Variants in TIGD1 observed in about 807,000 individuals in gnomAD.
TIGD1 encodes tigger transposable element-derived protein 1.
TIGD1 carries 20 observed loss-of-function variants against 21.3 expected under a neutral mutation model. That is an observed-to-expected ratio of 0.94 (90% CI 0.66 to 1.36). The LOEUF is 1.36. Ranked by LOEUF, TIGD1 falls within the 40% of genes most tolerant of loss-of-function variation. The probability of loss-of-function intolerance (pLI) is 0.00; values close to 1 mark genes in which losing one functional copy is unlikely to be tolerated. For synonymous variants in TIGD1, 177 were observed against 123.2 expected (o/e 1.44, Z -2.89); for missense variants, 556 against 350.5 (o/e 1.59, Z -4.68).
At position 232,547,923 on chromosome 2, in the gene TIGD1, A is replaced by C; in HGVS notation, c.*184T>G. 2.3e-6 allele frequency: 1 copy of C among 441,716 alleles called. No individual in the cohort carries two copies. Among genetic ancestry groups the C allele is most frequent in the Middle Eastern group, 5.7e-4 (1 of 1,750 alleles). The allele number at this position is 441,716 out of a possible 1,614,324, so 27.4% of individuals were successfully genotyped here. A position where few individuals can be genotyped will look rare whatever the true frequency, so the allele number is the denominator to read the frequency against. On this transcript the variant is annotated 3_prime_UTR_variant, in exon 1 of 1. Transcript: ENST00000408957. ...GTAGGTCGAGGCATACCTCAAAGAC[A>C]TTGCAGGTTCAGTTCCAGACCAACA... is the stretch of plus-strand genomic sequence containing the variant.
chr2:232,549,900 G>T lies in TIGD1; in HGVS notation c.-18C>A, dbSNP rs1163812103. Reference sequence around the variant, plus strand: ...GAGGCCATTGCAGAGTCATTAATTCGCCTAATCTCAATATTGTTGTGTCTC... The same window carrying T: ...GAGGCCATTGCAGAGTCATTAATTCTCCTAATCTCAATATTGTTGTGTCTC... On this transcript the variant is annotated 5_prime_UTR_variant, in exon 1 of 1. Transcript: ENST00000408957. The T allele has an allele frequency of 1.1e-5, 14 of 1,298,104 alleles. No homozygotes were observed. Among genetic ancestry groups the T allele is most frequent in the Non-Finnish European group, 1.5e-5 (14 of 951,646 alleles). 80.4% of individuals were successfully genotyped at this position (1,298,104 alleles called of 1,614,324 possible).
In TIGD1 at chr2:232,549,087, G is replaced by A. The variant is rs779574253; in HGVS notation, c.796C>T (p.Arg266Trp). The change falls in exon 1 of 1, where the codon CGG becomes TGG. Residue 266 changes from arginine (R) to tryptophan (W), a missense_variant. By Grantham distance (101) the Arg-to-Trp change is moderately radical (BLOSUM62 -3). Coordinates refer to ENST00000408957, the MANE Select transcript of TIGD1 (RefSeq NM_145702.4). ...GCTGTAAACAGATGTGCTGTCATCC[G>A]GGCTTTGCTGTTCCATTTATATAGC... ...PVLYKWNSKARMTAHLFTAWF... is the reference protein window; with the variant it reads ...PVLYKWNSKAWMTAHLFTAWF... 4.2e-6 allele frequency: 3 copies of A among 715,634 alleles called. No homozygotes were observed. Among genetic ancestry groups the A allele is most frequent in the Non-Finnish European group, 5.2e-6 (2 of 384,770 alleles). The allele number at this position is 715,634 out of a possible 1,614,324, so 44.3% of individuals were successfully genotyped here. A position where few individuals can be genotyped will look rare whatever the true frequency, so the allele number is the denominator to read the frequency against.
Position 232,549,461 on chromosome 2 carries a change from T to C in TIGD1, c.422A>G (p.Glu141Gly), listed in dbSNP as rs758489762. 19 of 669,372 alleles carry C rather than the reference T, an allele frequency of 2.8e-5. No homozygotes were observed. Among genetic ancestry groups the C allele is most frequent in the Non-Finnish European group, 4.8e-5 (18 of 373,838 alleles). 41.5% of individuals were successfully genotyped at this position (669,372 alleles called of 1,614,324 possible). A position where few individuals can be genotyped will look rare whatever the true frequency, so the allele number is the denominator to read the frequency against. The change falls in exon 1 of 1, where the codon GAA becomes GGA. Residue 141 changes from glutamate (E) to glycine (G), a missense_variant. Glu to Gly is a moderately conservative substitution (Grantham distance 98). Coordinates refer to ENST00000408957, the MANE Select transcript of TIGD1 (RefSeq NM_145702.4). ...TTTTATGTTATGGAAATGGCTTCTT[T>C]CCTTAAACCTCATGAACCAACCTCT... is the stretch of plus-strand genomic sequence containing the variant. ...ASRGWFMRFK[E>G]RSHFHNIKAQ... is the part of the protein sequence containing the mutation.
In TIGD1 at chr2:232,548,681, C is replaced by T; in HGVS notation, c.1202G>A (p.Gly401Glu). Residue 401 changes from glycine to glutamate, a missense_variant, in exon 1 of 1, where the codon GGA becomes GAA. Transcript: ENST00000408957. ...GGTGGGAATCAACTTCTTCCAAACT[C>T]CTGTTAATGTTGACAATTTGACCTC... is the stretch of plus-strand genomic sequence containing the variant. Reference protein sequence around the residue: ...WEEVKLSTLTGVWKKLIPTLI... With the variant: ...WEEVKLSTLTEVWKKLIPTLI... 2.1e-6 allele frequency: 1 copy of T among 485,758 alleles called. No individual in the cohort carries two copies. The highest frequency in any genetic ancestry group is 3.9e-6 in the Non-Finnish European group (1 of 253,932). 30.1% of individuals were successfully genotyped at this position (485,758 alleles called of 1,614,324 possible).
chr2:232,546,054 G>A lies in TIGD1; in HGVS notation c.*2053C>T, dbSNP rs2106224058. On this transcript the variant is annotated 3_prime_UTR_variant, in exon 1 of 1. Coordinates refer to ENST00000408957, the MANE Select transcript of TIGD1 (RefSeq NM_145702.4). ...AGTCTGAAGCCCGAAGGACTGTTTT[G>A]TATAATACCTTCGGACTTGGGACTG... The A allele has an allele frequency of 9.6e-6, 4 of 414,560 alleles. No homozygotes were observed. The highest frequency in any genetic ancestry group is 7.5e-4 in the Middle Eastern group (1 of 1,330). 25.7% of individuals were successfully genotyped at this position (414,560 alleles called of 1,614,324 possible).
chr2:232,546,360 G>A lies in TIGD1; in HGVS notation c.*1747C>T, dbSNP rs1320655641. On this transcript the variant is annotated 3_prime_UTR_variant, in exon 1 of 1. Transcript: ENST00000408957. ...TGATGTGTTGTTGTTGTTTTGTTTA[G>A]TTTTGAGATAGAGCCTCACTCTTGT... 1 of 119,242 alleles carries A rather than the reference G, an allele frequency of 8.4e-6. No individual in the cohort carries two copies. The highest frequency in any genetic ancestry group is 3.5e-5 in the African/African-American group (1 of 28,508). 7.4% of individuals were successfully genotyped at this position (119,242 alleles called of 1,614,324 possible). A position where few individuals can be genotyped will look rare whatever the true frequency, so the allele number is the denominator to read the frequency against.
Position 232,550,312 on chromosome 2 carries a change from G to A in TIGD1, c.-430C>T. The A allele has an allele frequency of 3.0e-6, 1 of 329,446 alleles. No homozygotes were observed. The allele number at this position is 329,446 out of a possible 1,614,324, so 20.4% of individuals were successfully genotyped here. ...GTACAGTGGCGCCGCGACCGACAAA[G>A]GAAAGCCTCCGGGAGGTCAAAAGAG... On this transcript the variant is annotated 5_prime_UTR_variant, in exon 1 of 1. Coordinates refer to ENST00000408957, the MANE Select transcript of TIGD1 (RefSeq NM_145702.4).
rs1309728989 is a variant in TIGD1 at position 232,546,680 on chromosome 2, G to C, written c.*1427C>G. On this transcript the variant is annotated 3_prime_UTR_variant, in exon 1 of 1. Coordinates refer to ENST00000408957, the MANE Select transcript of TIGD1 (RefSeq NM_145702.4). ...TCCTCACAGCAGTATGGATAAGCAA[G>C]AGTCATTATTCCCCATGTTATATAG... 1.3e-5 allele frequency among the ~76,000 whole-genome samples: 2 copies of C among 150,854 alleles called. No individual in the cohort carries two copies. Among genetic ancestry groups the C allele is most frequent in the East Asian group, 3.9e-4 (2 of 5,180 alleles).
rs1402012009 is a variant in TIGD1 at position 232,548,726 on chromosome 2, T to A, written c.1157A>T (p.Asn386Ile). 4.0e-6 allele frequency: 2 copies of A among 500,590 alleles called. No homozygotes were observed. The highest frequency in any genetic ancestry group is 3.8e-6 in the Non-Finnish European group (1 of 260,636). The allele number at this position is 500,590 out of a possible 1,614,324, so 31.0% of individuals were successfully genotyped here. A position where few individuals can be genotyped will look rare whatever the true frequency, so the allele number is the denominator to read the frequency against. Reference sequence around the variant, plus strand: ...GACCTCCTCCCATGAATCACGAATGTTTTTAATGGCATCTAAAATGGTGAA... The same window carrying A: ...GACCTCCTCCCATGAATCACGAATGATTTTAATGGCATCTAAAATGGTGAA... The part of the protein sequence containing the change: ...KGFTILDAIK[N>I]IRDSWEEVKL... Residue 386 changes from asparagine (N) to isoleucine (I), a missense_variant, in exon 1 of 1, where the codon AAC becomes ATC. Coordinates refer to ENST00000408957, the MANE Select transcript of TIGD1 (RefSeq NM_145702.4).
chr2:232,549,088 G>C lies in TIGD1; in HGVS notation c.795C>G (p.Ala265=). The C allele has an allele frequency of 1.4e-6, 1 of 715,858 alleles. No homozygotes were observed. The highest frequency in any genetic ancestry group is 2.6e-6 in the Non-Finnish European group (1 of 384,790). The allele number at this position is 715,858 out of a possible 1,614,324, so 44.3% of individuals were successfully genotyped here. ...CTGTAAACAGATGTGCTGTCATCCG[G>C]GCTTTGCTGTTCCATTTATATAGCA... ...LPVLYKWNSK[A]RMTAHLFTAW... The change falls in exon 1 of 1, where the codon GCC becomes GCG. Residue 265 remains alanine, a synonymous_variant. Transcript: ENST00000408957.
rs890516352 is a variant in TIGD1 at position 232,550,323 on chromosome 2, G to C, written c.-441C>G. 1.2e-5 allele frequency: 4 copies of C among 342,604 alleles called. No homozygotes were observed. The highest frequency in any genetic ancestry group is 6.5e-5 in the African/African-American group (3 of 46,152). The allele number at this position is 342,604 out of a possible 1,614,324, so 21.2% of individuals were successfully genotyped here. On this transcript the variant is annotated 5_prime_UTR_variant, in exon 1 of 1. Coordinates refer to ENST00000408957, the MANE Select transcript of TIGD1 (RefSeq NM_145702.4). ...CCGCGACCGACAAAGGAAAGCCTCC[G>C]GGAGGTCAAAAGAGATACCAGAGAG...
chr2:232,548,100 C>T lies in TIGD1; in HGVS notation c.*7G>A, dbSNP rs1457934976. The stretch of plus-strand genomic sequence containing the variant: ...AAAAATACTTTATTGCTAAAAAATG[C>T]TGATTATCAATCTGAGCCTTCGGTG... On this transcript the variant is annotated 3_prime_UTR_variant, in exon 1 of 1. Transcript: ENST00000408957. 1 of 657,034 alleles carries T rather than the reference C, an allele frequency of 1.5e-6. No individual in the cohort carries two copies. The highest frequency in any genetic ancestry group is 2.9e-5 in the East Asian group (1 of 34,238). 40.7% of individuals were successfully genotyped at this position (657,034 alleles called of 1,614,324 possible). A position where few individuals can be genotyped will look rare whatever the true frequency, so the allele number is the denominator to read the frequency against.
rs1335762338 is a variant in TIGD1 at position 232,545,298 on chromosome 2, T to G, written c.*2809A>C. ...CTGCACTCTGGCCTGGGTGAAAGAGTGAGACGTGAGACTCCGTCTCAAAAA... is the reference window on the plus strand; with the variant it reads ...CTGCACTCTGGCCTGGGTGAAAGAGGGAGACGTGAGACTCCGTCTCAAAAA... On this transcript the variant is annotated 3_prime_UTR_variant, in exon 1 of 1. Coordinates refer to ENST00000408957, the MANE Select transcript of TIGD1 (RefSeq NM_145702.4). Among the ~76,000 whole-genome samples the G allele has an allele frequency of 4.6e-5, 6 of 130,470 alleles. No homozygotes were observed. Among genetic ancestry groups the G allele is most frequent in the Admixed American group, 2.6e-4 (3 of 11,360 alleles). 85.6% of individuals were successfully genotyped at this position (130,470 alleles called of 152,430 possible).
rs747433309 is a variant in TIGD1 at position 232,544,789 on chromosome 2, G to C, written c.*3318C>G. On this transcript the variant is annotated 3_prime_UTR_variant, in exon 1 of 1. Coordinates refer to ENST00000408957, the MANE Select transcript of TIGD1 (RefSeq NM_145702.4). Reference sequence around the variant, plus strand: ...TTTATCAGAGAAAGGCCCGGAGTTAGGGCTGAGCCAGTTCTGTGGCAGCCT... The same window carrying C: ...TTTATCAGAGAAAGGCCCGGAGTTACGGCTGAGCCAGTTCTGTGGCAGCCT... The C allele has an allele frequency of 2.5e-6, 4 of 1,614,056 alleles. No homozygotes were observed. Among genetic ancestry groups the C allele is most frequent in the East Asian group, 2.2e-5 (1 of 44,874 alleles).
chr2:232,548,490 C>A lies in TIGD1; in HGVS notation c.1393G>T (p.Ala465Ser). The A allele has an allele frequency of 1.5e-6, 1 of 665,836 alleles. No homozygotes were observed. 41.2% of individuals were successfully genotyped at this position (665,836 alleles called of 1,614,324 possible). A position where few individuals can be genotyped will look rare whatever the true frequency, so the allele number is the denominator to read the frequency against. ...LTDEELFLMD[A>S]QRKWFLEMES... is the part of the protein sequence containing the mutation. ...ATCTCAAGAAACCACTTTCTTTGCG[C>A]ATCCATAAGAAACAACTCCTCATCT... Residue 465 changes from alanine (A) to serine (S), a missense_variant, in exon 1 of 1, where the codon GCG becomes TCG. Transcript: ENST00000408957.
At position 232,548,102 on chromosome 2, in the gene TIGD1, G is replaced by C. The variant is rs1279830399; in HGVS notation, c.*5C>G. The stretch of plus-strand genomic sequence containing the variant: ...AAATACTTTATTGCTAAAAAATGCT[G>C]ATTATCAATCTGAGCCTTCGGTGAG... On this transcript the variant is annotated 3_prime_UTR_variant, in exon 1 of 1. Coordinates refer to ENST00000408957, the MANE Select transcript of TIGD1 (RefSeq NM_145702.4). 2 of 673,362 alleles carry C rather than the reference G, an allele frequency of 3.0e-6. No individual in the cohort carries two copies. The highest frequency in any genetic ancestry group is 1.8e-5 in the African/African-American group (1 of 54,598). 41.7% of individuals were successfully genotyped at this position (673,362 alleles called of 1,614,324 possible). A position where few individuals can be genotyped will look rare whatever the true frequency, so the allele number is the denominator to read the frequency against.
Position 232,545,847 on chromosome 2 carries a change from C to T in TIGD1, c.*2260G>A, listed in dbSNP as rs566877095. 1.2e-4 allele frequency: 127 copies of T among 1,060,730 alleles called. 1 individual carries two copies. The highest frequency in any genetic ancestry group is 2.0e-4 in the Middle Eastern group (1 of 4,896). 65.7% of individuals were successfully genotyped at this position (1,060,730 alleles called of 1,614,324 possible). ...GCCCTTCAGGACTGTGTGAGCCAAA[C>T]AGCCCTGAGAAAAGCTGGGGAAACA... On this transcript the variant is annotated 3_prime_UTR_variant, in exon 1 of 1. Coordinates refer to ENST00000408957, the MANE Select transcript of TIGD1 (RefSeq NM_145702.4).
In TIGD1 at chr2:232,545,623, C is replaced by CCCACT. The variant is rs1174277739; in HGVS notation, c.*2483_*2484insAGTGG. On this transcript the variant is annotated 3_prime_UTR_variant, in exon 1 of 1. Coordinates refer to ENST00000408957, the MANE Select transcript of TIGD1 (RefSeq NM_145702.4). ...CCATGCTCTCGCTCTTCATCTGTGGCACAGCTGGCATCTTCCTCATGGCCC... is the reference window on the plus strand; with the variant it reads ...CCATGCTCTCGCTCTTCATCTGTGGCCCACTACAGCTGGCATCTTCCTCATGGCCC... The CCCACT allele has an allele frequency of 1.2e-6, 2 of 1,614,044 alleles. No homozygotes were observed. The highest frequency in any genetic ancestry group is 1.7e-6 in the Non-Finnish European group (2 of 1,180,044).
rs1692247804 is a variant in TIGD1, at chr2:232,550,034, T to C, written c.-152A>G. ...TCCACGTCTTATAAAAGACGCTGTA[T>C]GTGGCACCCCAAAACAATGACAATA... On this transcript the variant is annotated 5_prime_UTR_variant, in exon 1 of 1. Transcript: ENST00000408957. 11 of 508,984 alleles carry C rather than the reference T, an allele frequency of 2.2e-5. No individual in the cohort carries two copies. In the South Asian group the frequency reaches 2.2e-4, roughly 10 times the overall value. The allele number at this position is 508,984 out of a possible 1,614,324, so 31.5% of individuals were successfully genotyped here.
Sources: allele counts gnomAD v4.1 joint callset (sites outside exome capture counted in the v4.1 genomes callset), GRCh38; gene constraint gnomAD v4.1.1; transcripts MANE v1.5; gene names NCBI Gene and HGNC (gene_info 2026-07-23, HGNC 2026-07-21).